Variants in TOX observed in about 807,000 individuals in gnomAD.
The protein encoded by TOX is thymocyte selection associated high mobility group box.
Under a neutral mutation model 53.7 loss-of-function variants are expected in TOX, and 11 were observed. The observed-to-expected ratio is 0.20, with a 90% CI of 0.13 to 0.34. TOX has a LOEUF of 0.34. Among genes scored for constraint, TOX ranks in the 10% least tolerant of loss-of-function variants. TOX has a pLI of 1.00. For synonymous variants in TOX, 225 were observed against 245.3 expected, an observed-to-expected ratio of 0.92 and a Z score of 0.77; for missense variants, 570 against 664.6, an observed-to-expected ratio of 0.86 and a Z score of 1.56.
intron 4 of TOX, among the ~76,000 whole-genome samples, chr8:58,844,899 A>G (rs1427840941): frequency 1.3e-5 from 2 of 152,162 alleles, no homozygotes; most frequent in African/African-American, 2.4e-5. Context: ...TTATTTCTCA[A>G]ATCCCTAGAG....
chr8:59,052,252 C>T (rs949885622), intron 1 of TOX, among the ~76,000 whole-genome samples: 71 of 152,112 alleles, frequency 4.7e-4, no homozygotes, highest in African/African-American at 1.7e-3. Context: ...ATTAAACTTA[C>T]AATCATGCCA....
chr8:59,044,825 T>A (rs1478055272), intron 1 of TOX, among the ~76,000 whole-genome samples: 1 of 152,204 alleles, frequency 6.6e-6, no homozygotes, highest in Non-Finnish European at 1.5e-5. Flanking sequence ...GGAAAAATAT[T>A]ATAAACAACT....
chr8:59,048,729 T>G (rs774316041), intron 1 of TOX, among the ~76,000 whole-genome samples: 26 of 152,186 alleles, frequency 1.7e-4, no homozygotes, highest in Non-Finnish European at 2.9e-4. Flanking sequence ...ATTTATGAGT[T>G]ACATGAGATA....
chr8:59,107,053 G>GGGGC (rs1554547213), intron 1 of TOX, among the ~76,000 whole-genome samples: 4 of 107,038 alleles, frequency 3.7e-5, no homozygotes, highest in South Asian at 3.5e-4. Flanking sequence ...TGCTGGGGGG[G>GGGGC]GGGGGAACGT....
At chr8:59,072,896 T>C (rs569909145) in intron 1 of TOX, among the ~76,000 whole-genome samples, 1 of 152,344 alleles carries the variant, frequency 6.6e-6, no homozygotes, top group South Asian at 2.1e-4. Flanking sequence ...TTGCTTGGTA[T>C]TATTTAAAAT....
chr8:59,063,834 T>A (rs1373259255), intron 1 of TOX, among the ~76,000 whole-genome samples: 1 of 152,148 alleles, frequency 6.6e-6, no homozygotes, highest in Non-Finnish European at 1.5e-5. Flanking sequence ...CCAAAACGTC[T>A]ATAGACATAT....
chr8:58,918,731 AG>A (rs1370098132), intron 3 of TOX, among the ~76,000 whole-genome samples: 1 of 69,136 alleles, frequency 1.4e-5, no homozygotes, highest in African/African-American at 6.1e-5. Flanking sequence ...AAGGAAATAA[AG>A]GGTATTCAAT....
chr8:58,824,735 C>T (rs915795621), intron 6 of TOX, among the ~76,000 whole-genome samples: 1 of 152,192 alleles, frequency 6.6e-6, no homozygotes, highest in Non-Finnish European at 1.5e-5. Flanking sequence ...CTAACGATTT[C>T]CCTTGACGAA....
chr8:59,020,105 A>C (rs138205895), intron 1 of TOX, among the ~76,000 whole-genome samples: 1 of 152,360 alleles, frequency 6.6e-6, no homozygotes. Flanking sequence ...GGAAGATAGT[A>C]CAGTACTACA....
chr8:58,892,040 A>AG (rs1028421973), intron 3 of TOX, among the ~76,000 whole-genome samples: 3 of 152,096 alleles, frequency 2.0e-5, no homozygotes, highest in Admixed American at 6.5e-5. Context: ...ATTGTGTGAG[A>AG]GGGAAAAAAA....
intron 1 of TOX, among the ~76,000 whole-genome samples, chr8:59,061,440 C>T (rs182515318): frequency 1.2e-4 from 18 of 152,300 alleles, no homozygotes; most frequent in African/African-American, 3.4e-4. Context: ...TAAAAGATAA[C>T]GTTCAGTAAA....
chr8:59,113,401 C>T (rs1410954134), intron 1 of TOX, among the ~76,000 whole-genome samples: 1 of 152,106 alleles, frequency 6.6e-6, no homozygotes, highest in Non-Finnish European at 1.5e-5. Context: ...TGTATAACTC[C>T]ACATCATCCA....
chr8:58,922,845 C>T (rs9298004), intron 3 of TOX, among the ~76,000 whole-genome samples: 103,437 of 152,112 alleles, frequency 0.68, 35,525 homozygotes, highest in Non-Finnish European at 0.72. Context: ...TAATGAGGGG[C>T]GAGCGGCAGG....
intron 3 of TOX, among the ~76,000 whole-genome samples, chr8:58,908,846 A>G (rs992940816): frequency 1.5e-4 from 23 of 152,226 alleles, no homozygotes; most frequent in Admixed American, 1.1e-3. Flanking sequence ...AAATTTATTG[A>G]GTCTAATGCA....
At chr8:58,941,276 C>G (rs866025118) in intron 2 of TOX, among the ~76,000 whole-genome samples, 4 of 152,294 alleles carry the variant, frequency 2.6e-5, no homozygotes, top group South Asian at 2.1e-4. Flanking sequence ...GGAGAGATGT[C>G]TATTTCATAT....
chr8:58,831,351 A>G (rs1810450686), intron 5 of TOX, among the ~76,000 whole-genome samples: 2 of 152,164 alleles, frequency 1.3e-5, no homozygotes, highest in Admixed American at 1.3e-4. Context: ...GGTGTGAGGC[A>G]CCGATGTTAT....
intron 3 of TOX, among the ~76,000 whole-genome samples, chr8:58,885,806 A>C (rs1453748161): frequency 2.0e-5 from 3 of 152,152 alleles, no homozygotes; most frequent in Admixed American, 6.6e-5. Context: ...GCTGCAGTGA[A>C]GACTTATAAT....
rs1811228880 is a variant in TOX at position 58,873,399 on chromosome 8, GA to G, written c.412-21595del. Among the ~76,000 whole-genome samples the G allele has an allele frequency of 2.0e-5, 3 of 152,018 alleles. No homozygotes were observed. In the East Asian group the frequency reaches 5.8e-4, roughly 29 times the overall value. ...GCACCCTTTTAAACACATCTAAAGG[GA>G]AAATTTTCATAGACAAAGTTTCATA... is the stretch of plus-strand genomic sequence containing the variant. On this transcript the variant is annotated intron_variant, in intron 3 of 8. Transcript: ENST00000361421.
intron 3 of TOX, among the ~76,000 whole-genome samples, chr8:58,927,802 C>T (rs1440729780): frequency 6.6e-6 from 1 of 152,140 alleles, no homozygotes; most frequent in Non-Finnish European, 1.5e-5. Context: ...GCTTCAGATG[C>T]ACAGACCAGA....
Sources: allele counts gnomAD v4.1 joint callset (sites outside exome capture counted in the v4.1 genomes callset), GRCh38; gene constraint gnomAD v4.1.1; transcripts MANE v1.5; gene names NCBI Gene and HGNC (gene_info 2026-07-23, HGNC 2026-07-21).